EML4: variants seen among roughly 807,000 people sequenced by gnomAD.
EML4 encodes the protein EMAP like 4.
A neutral mutation model predicts 129.0 loss-of-function variants in EML4; 72 were observed. The ratio of observed to expected loss-of-function variants is 0.56; its 90% confidence interval spans 0.46 to 0.68. The LOEUF (loss-of-function observed/expected upper bound fraction) is 0.68, where lower values mean the gene tolerates loss of function less well. Among genes scored for constraint, EML4 ranks in the 30% least tolerant of loss-of-function variants. The pLI is 0.00. For missense variants in EML4, 1,363 were observed against 1,190.6 expected, an observed-to-expected ratio of 1.14 and a Z score of -2.13; for synonymous variants, 532 against 405.0, an observed-to-expected ratio of 1.31 and a Z score of -3.77.
intron 6 of EML4, among the ~76,000 whole-genome samples, chr2:42,278,582 A>G (rs1180299397): frequency 2.2e-5 from 3 of 136,006 alleles, no homozygotes; most frequent in African/African-American, 7.8e-5. Flanking sequence ...TCAAAAAAAA[A>G]AAAAAAAAAA....
intron 6 of EML4, among the ~76,000 whole-genome samples, chr2:42,272,999 G>T (rs902579356): frequency 6.6e-6 from 1 of 152,084 alleles, no homozygotes; most frequent in East Asian, 1.9e-4. Context: ...TTAATGTTCT[G>T]CTGAGGCCTC....
chr2:42,294,938 C>T (rs6544537), intron 11 of EML4, among the ~76,000 whole-genome samples, 187 bp from the exon 12 acceptor site: 68,040 of 151,902 alleles, frequency 0.45, 15,832 homozygotes, highest in East Asian at 0.74. Flanking sequence ...TACGATAATA[C>T]AAGGACATCA....
At chr2:42,281,036 C>T (rs982934208) in intron 7 of EML4, 63 bp downstream of exon 7, 69 of 1,274,126 alleles carry the variant, frequency 5.4e-5, no homozygotes, top group Non-Finnish European at 6.7e-5. Context: ...AATCAGTTAA[C>T]GTATTCTCTG....
Position 42,284,641 on chromosome 2 carries a change from A to ATAC in EML4, c.950_952dup (p.Ile317_His318insLeu). On this transcript the variant is annotated inframe_insertion, in exon 9 of 23. Transcript: ENST00000318522. ...CTTAATACTGCTTTTTAGCCTTGCT[A>ATAC]TACATCCTGACAAAATTAGGATTGC... 1.2e-6 allele frequency: 2 copies of ATAC among 1,612,006 alleles called. No homozygotes were observed. The highest frequency in any genetic ancestry group is 1.7e-6 in the Non-Finnish European group (2 of 1,178,832).
intron 6 of EML4, chr2:42,264,946 G>A (rs1162292108): frequency 2.6e-6 from 4 of 1,550,442 alleles, no homozygotes; most frequent in Non-Finnish European, 8.7e-7. Flanking sequence ...GAAAAAAACA[G>A]CCAAGGTAAG....
Position 42,298,494 on chromosome 2 carries a change from A to G in EML4, c.1490-2747A>G, listed in dbSNP as rs1199884430. The stretch of plus-strand genomic sequence containing the variant: ...AGAAATACAGGCCCATAAGAAAGAC[A>G]TCTTTGGCTATAAATTTGTTTTACA... On this transcript the variant is annotated intron_variant, in intron 13 of 22. Transcript: ENST00000318522. Among the ~76,000 whole-genome samples, 6 of 152,206 alleles carry G rather than the reference A, an allele frequency of 3.9e-5. No individual in the cohort carries two copies. In the East Asian group the frequency reaches 1.2e-3, roughly 29 times the overall value.
chr2:42,281,047 T>A (rs1052533155), intron 7 of EML4, 74 bp downstream of exon 7: 4 of 1,203,350 alleles, frequency 3.3e-6, no homozygotes, highest in South Asian at 3.8e-5. Flanking sequence ...GTATTCTCTG[T>A]CAAAATTGTC....
At chr2:42,283,509 TTAA>T (rs1667128803) in intron 8 of EML4, among the ~76,000 whole-genome samples, 2 of 152,232 alleles carry the variant, frequency 1.3e-5, no homozygotes, top group African/African-American at 2.4e-5. Flanking sequence ...TTATTGTTTA[TTAA>T]TATTTTCCAA....
intron 6 of EML4, among the ~76,000 whole-genome samples, chr2:42,278,515 G>T (rs776727770): frequency 6.8e-6 from 1 of 148,050 alleles, no homozygotes; most frequent in African/African-American, 2.5e-5. Context: ...CGGAGGTTGC[G>T]GTGAGCCGAG....
intron 21 of EML4, among the ~76,000 whole-genome samples, chr2:42,326,680 G>A (rs1325496008): frequency 6.6e-6 from 1 of 152,118 alleles, no homozygotes; most frequent in African/African-American, 2.4e-5. Context: ...TCAGGAGTTC[G>A]AGACCAGCCT....
chr2:42,328,781 C>A, intron 21 of EML4, 105 bp from the exon 22 acceptor site: 1 of 887,862 alleles, frequency 1.1e-6, no homozygotes, highest in Non-Finnish European at 1.6e-6. Context: ...AGAGTTTGAA[C>A]ATAGATAAAA....
At chr2:42,251,171 T>C (rs1255590420) in intron 2 of EML4, among the ~76,000 whole-genome samples, 2 of 152,146 alleles carry the variant, frequency 1.3e-5, no homozygotes, top group Admixed American at 1.3e-4. Flanking sequence ...GGCCCAGGGG[T>C]TGGGGACCCC....
At chr2:42,201,656 G>A (rs527797468) in intron 1 of EML4, among the ~76,000 whole-genome samples, 1 of 152,294 alleles carries the variant, frequency 6.6e-6, no homozygotes, top group East Asian at 1.9e-4. Flanking sequence ...TGGAAAGGGG[G>A]AAAGCCTGTC....
At chr2:42,226,648 C>G (rs1432173035) in intron 1 of EML4, among the ~76,000 whole-genome samples, 2 of 150,786 alleles carry the variant, frequency 1.3e-5, no homozygotes, top group African/African-American at 2.4e-5. Flanking sequence ...CAGAGTAAGA[C>G]TCTGTCTCAA....
At chr2:42,223,094 C>T (rs770938142) in intron 1 of EML4, among the ~76,000 whole-genome samples, 3 of 152,024 alleles carry the variant, frequency 2.0e-5, no homozygotes, top group Admixed American at 6.5e-5. Flanking sequence ...CGTGAGCCAC[C>T]GTGCCTGGCC....
At chr2:42,292,547 T>A (rs995284075) in intron 11 of EML4, among the ~76,000 whole-genome samples, 1 of 152,256 alleles carries the variant, frequency 6.6e-6, no homozygotes, top group African/African-American at 2.4e-5. Flanking sequence ...TAATTCCATT[T>A]GAATGAAACG....
chr2:42,278,288 T>TG (rs989803206), intron 6 of EML4, among the ~76,000 whole-genome samples: 1 of 152,084 alleles, frequency 6.6e-6, no homozygotes, highest in Non-Finnish European at 1.5e-5. Flanking sequence ...AAGAAACAAT[T>TG]GCGGCCGCAT....
intron 11 of EML4, among the ~76,000 whole-genome samples, chr2:42,293,077 A>T (rs79970482): frequency 0.016 from 2,476 of 152,164 alleles, 83 homozygotes; most frequent in African/African-American, 0.057. Context: ...AAATTACGTA[A>T]CAAGCAAGAT....
chr2:42,329,660 A>T, intron 22 of EML4, 74 bp from the exon 23 acceptor site: 1 of 1,274,260 alleles, frequency 7.8e-7, no homozygotes, highest in Non-Finnish European at 1.1e-6. Context: ...CCCCTTACGT[A>T]TCACCTCCAT....
Sources: allele counts gnomAD v4.1 joint callset (sites outside exome capture counted in the v4.1 genomes callset), GRCh38; gene constraint gnomAD v4.1.1; transcripts MANE v1.5; gene names NCBI Gene and HGNC (gene_info 2026-07-23, HGNC 2026-07-21).